The following MBD5 variants were observed in gnomAD, a reference collection of about 807,000 sequenced individuals.
The protein encoded by MBD5 is methyl-CpG-binding domain protein 5.
Under a neutral mutation model 117.3 loss-of-function variants are expected in MBD5, and 13 were observed. That is an observed-to-expected ratio of 0.11 (90% CI 0.07 to 0.18). The LOEUF (loss-of-function observed/expected upper bound fraction) is 0.18. Ranked by LOEUF, MBD5 falls within the 10% of genes least tolerant of loss-of-function variation. The pLI is 1.00. For synonymous variants in MBD5, 727 were observed against 766.4 expected (o/e 0.95, Z 0.85); for missense variants, 1,879 against 2,093.8 (o/e 0.90, Z 2.00).
At chr2:148,457,468 T>A (rs948518047) in intron 4 of MBD5, among the ~76,000 whole-genome samples, 3 of 152,166 alleles carry the variant, frequency 2.0e-5, no homozygotes, top group Admixed American at 6.6e-5. Flanking sequence ...CTTGCCATGA[T>A]TTTTTATTTA....
At chr2:148,205,634 A>C (rs965967473) in intron 2 of MBD5, among the ~76,000 whole-genome samples, 1 of 152,260 alleles carries the variant, frequency 6.6e-6, no homozygotes, top group Non-Finnish European at 1.5e-5. Context: ...ACAAAGTTGC[A>C]TAAAATTATA....
intron 4 of MBD5, among the ~76,000 whole-genome samples, chr2:148,345,846 C>T (rs1703111546): frequency 6.6e-6 from 1 of 151,822 alleles, no homozygotes; most frequent in Non-Finnish European, 1.5e-5. Flanking sequence ...TGTTCGAGGG[C>T]AGGAAGCATC....
chr2:148,057,505 T>C (rs934052346), intron 1 of MBD5, among the ~76,000 whole-genome samples: 1 of 151,814 alleles, frequency 6.6e-6, no homozygotes, highest in Non-Finnish European at 1.5e-5. Context: ...CCCAAGCCTG[T>C]GAGGATATCT....
At chr2:148,210,386 A>G (rs1210146616) in intron 2 of MBD5, among the ~76,000 whole-genome samples, 4 of 152,072 alleles carry the variant, frequency 2.6e-5, no homozygotes, top group Non-Finnish European at 4.4e-5. Flanking sequence ...CTCATTTATT[A>G]TATTGTTCAA....
chr2:148,303,579 T>TA (rs1701822544), intron 3 of MBD5, among the ~76,000 whole-genome samples: 1 of 152,220 alleles, frequency 6.6e-6, no homozygotes, highest in African/African-American at 2.4e-5. Flanking sequence ...AAGTGTAGAA[T>TA]ATGAATAAGA....
intron 4 of MBD5, among the ~76,000 whole-genome samples, chr2:148,388,215 T>G (rs993246659): frequency 2.6e-5 from 4 of 152,182 alleles, no homozygotes; most frequent in African/African-American, 9.7e-5. Context: ...AATATAAAAT[T>G]TAGGAGAATG....
rs80268789 is a variant in MBD5 at position 148,166,725 on chromosome 2, T to A, written c.-924-11975T>A. 7.2e-5 allele frequency among the ~76,000 whole-genome samples: 11 copies of A among 152,174 alleles called. No homozygotes were observed. The East Asian group carries it at 2.1e-3, about 29-fold the overall frequency. ...ACACCTCTCCCTGCTATGTTTTCTG[T>A]GTGTGTGTGTGCCTACTGGAAATTG... On this transcript the variant is annotated intron_variant, in intron 1 of 13. Transcript: ENST00000642680.
chr2:148,049,740 C>G (rs1284114085), intron 1 of MBD5, among the ~76,000 whole-genome samples: 3 of 152,188 alleles, frequency 2.0e-5, no homozygotes, highest in Non-Finnish European at 2.9e-5. Flanking sequence ...CCCATATCGT[C>G]TGGCAACTTC....
At chr2:148,342,175 T>A (rs1429980854) in intron 3 of MBD5, 39 bp from the exon 4 acceptor site, 1 of 152,040 alleles carries the variant, frequency 6.6e-6, no homozygotes, top group Non-Finnish European at 1.5e-5. Flanking sequence ...AAAACAAGCC[T>A]TTAAATAAAT....
At chr2:148,401,472 C>T (rs1704920072) in intron 4 of MBD5, among the ~76,000 whole-genome samples, 1 of 152,072 alleles carries the variant, frequency 6.6e-6, no homozygotes, top group African/African-American at 2.4e-5. Flanking sequence ...TTCTTGTATT[C>T]AATTCTTTCA....
intron 4 of MBD5, among the ~76,000 whole-genome samples, chr2:148,382,477 G>A (rs1384418486): frequency 6.6e-6 from 1 of 152,130 alleles, no homozygotes; most frequent in African/African-American, 2.4e-5. Context: ...GACCTACAAA[G>A]TGACTTAGAC....
chr2:148,347,632 G>A (rs1312354517), intron 4 of MBD5: 1 of 151,790 alleles, frequency 6.6e-6, no homozygotes, highest in African/African-American at 2.4e-5. Context: ...TATCCAAAAG[G>A]CACAGTAAGC....
At chr2:148,076,702 A>G (rs963182084) in intron 1 of MBD5, among the ~76,000 whole-genome samples, 3 of 152,220 alleles carry the variant, frequency 2.0e-5, no homozygotes, top group Admixed American at 1.3e-4. Context: ...TGATAATTCT[A>G]TTACTAGCTT....
chr2:148,185,311 T>C (rs1698628091), intron 2 of MBD5, among the ~76,000 whole-genome samples: 1 of 152,134 alleles, frequency 6.6e-6, no homozygotes, highest in African/African-American at 2.4e-5. Context: ...ATTTCTTGGC[T>C]TTTTTTCTTT....
At chr2:148,359,158 T>C (rs1471392659) in intron 4 of MBD5, among the ~76,000 whole-genome samples, 1 of 151,748 alleles carries the variant, frequency 6.6e-6, no homozygotes, top group African/African-American at 2.4e-5. Flanking sequence ...TCCCAGCTAT[T>C]TGGGAGGCAG....
In MBD5 at chr2:148,361,102, C is replaced by T. The variant is rs574697693; in HGVS notation, c.-557+18766C>T. On this transcript the variant is annotated intron_variant, in intron 4 of 13. Coordinates refer to ENST00000642680, the MANE Select transcript of MBD5 (RefSeq NM_001378120.1). ...GTGGCTCATGCCTATAATGCCAACACGTTGGGAGGCCGAGGCAGCCGGATC... is the reference window on the plus strand; with the variant it reads ...GTGGCTCATGCCTATAATGCCAACATGTTGGGAGGCCGAGGCAGCCGGATC... Among the ~76,000 whole-genome samples, 188 of 152,226 alleles carry T rather than the reference C, an allele frequency of 1.2e-3. 1 individual carries two copies. The highest frequency in any genetic ancestry group is 4.3e-3 in the African/African-American group (178 of 41,554).
intron 2 of MBD5, among the ~76,000 whole-genome samples, chr2:148,207,832 C>G (rs1046412252): frequency 6.6e-6 from 1 of 152,122 alleles, no homozygotes; most frequent in Non-Finnish European, 1.5e-5. Context: ...AATATATGTT[C>G]ATATAGATAA....
At chr2:148,335,520 A>T (rs1436385479) in intron 3 of MBD5, among the ~76,000 whole-genome samples, 2 of 152,092 alleles carry the variant, frequency 1.3e-5, no homozygotes, top group African/African-American at 4.8e-5. Flanking sequence ...GGAGTATGAG[A>T]CCAGCTTGGG....
Position 148,431,458 on chromosome 2 carries a change from G to A in MBD5, c.-556-26745G>A, listed in dbSNP as rs114238133. ...TTATACAGGTAAACTGCATGTCACAGGGGTTTGGTGTACAGACAGTTTCAT... is the reference window on the plus strand; with the variant it reads ...TTATACAGGTAAACTGCATGTCACAAGGGTTTGGTGTACAGACAGTTTCAT... On this transcript the variant is annotated intron_variant, in intron 4 of 13. Coordinates refer to ENST00000642680, the MANE Select transcript of MBD5 (RefSeq NM_001378120.1). Among the ~76,000 whole-genome samples the A allele has an allele frequency of 9.1e-3, 1,378 of 152,084 alleles. 22 individuals carry two copies. The highest frequency in any genetic ancestry group is 0.03 in the African/African-American group (1,256 of 41,512).
Sources: gnomAD v4.1 joint callset for allele counts (sites outside exome capture counted in the v4.1 genomes callset) on GRCh38, gnomAD v4.1.1 for gene constraint, MANE v1.5 for transcripts, NCBI Gene and HGNC (gene_info 2026-07-23, HGNC 2026-07-21) for gene names.